Variants in IPCEF1 observed in about 807,000 individuals in gnomAD.
IPCEF1 encodes interaction protein for cytohesin exchange factors 1, also known as interactor protein for cytohesin exchange factors 1.
IPCEF1 carries 31 observed loss-of-function variants against 50.9 expected under a neutral mutation model. The observed-to-expected ratio is 0.61, with a 90% CI of 0.46 to 0.82. The LOEUF is 0.82. IPCEF1 is among the 40% of genes least tolerant of loss of function. The pLI, the probability that IPCEF1 is intolerant of heterozygous loss-of-function variation, is 0.00. For synonymous variants in IPCEF1, 181 were observed against 192.0 expected, an observed-to-expected ratio of 0.94 and a Z score of 0.47; for missense variants, 458 against 514.0, an observed-to-expected ratio of 0.89 and a Z score of 1.05.
At chr6:154,247,843 G>C (rs982873732) in intron 3 of IPCEF1, among the ~76,000 whole-genome samples, 1 of 152,140 alleles carries the variant, frequency 6.6e-6, no homozygotes. Flanking sequence ...GTGAGAGAAG[G>C]AAAAATATAT....
chr6:154,315,368 C>A (rs1437364769), intron 1 of IPCEF1, among the ~76,000 whole-genome samples: 1 of 152,112 alleles, frequency 6.6e-6, no homozygotes, highest in African/African-American at 2.4e-5. Flanking sequence ...AAACAGGGTC[C>A]GTGAAGGCAA....
chr6:154,325,884 A>G (rs1469897909), intron 1 of IPCEF1, among the ~76,000 whole-genome samples: 1 of 152,162 alleles, frequency 6.6e-6, no homozygotes, highest in Non-Finnish European at 1.5e-5. Flanking sequence ...AGAAGAAATG[A>G]GAAGAGGTTT....
At chr6:154,351,295 C>T (rs1283801795) in intron 1 of IPCEF1, among the ~76,000 whole-genome samples, 1 of 152,218 alleles carries the variant, frequency 6.6e-6, no homozygotes, top group Non-Finnish European at 1.5e-5. Flanking sequence ...GGTGACGGAA[C>T]AGTCACATAT....
chr6:154,225,295 G>A (rs901434637), intron 5 of IPCEF1, among the ~76,000 whole-genome samples: 1 of 152,128 alleles, frequency 6.6e-6, no homozygotes, highest in Non-Finnish European at 1.5e-5. Flanking sequence ...TACATGTGCA[G>A]CCCTGTTCAC....
At chr6:154,186,555 T>C (rs1276480411) in intron 10 of IPCEF1, among the ~76,000 whole-genome samples, 2 of 149,520 alleles carry the variant, frequency 1.3e-5, no homozygotes, top group Non-Finnish European at 3.0e-5. Context: ...CCTTTCTTTC[T>C]TTTTTTCTCT....
intron 1 of IPCEF1, among the ~76,000 whole-genome samples, chr6:154,300,736 G>A (rs115597166): frequency 6.6e-6 from 1 of 152,150 alleles, no homozygotes; most frequent in South Asian, 2.1e-4. Context: ...TTCCCCATGG[G>A]CTTTGAAGAA....
In IPCEF1 at chr6:154,259,455, C is replaced by T. The variant is rs532024428; in HGVS notation, c.36+6457G>A. 3.9e-5 allele frequency among the ~76,000 whole-genome samples: 6 copies of T among 152,100 alleles called. 1 individual carries two copies. The highest frequency in any genetic ancestry group is 1.4e-4 in the African/African-American group (6 of 41,480). On this transcript the variant is annotated intron_variant, in intron 3 of 11. Coordinates refer to ENST00000367220, the MANE Select transcript of IPCEF1 (RefSeq NM_001130700.2). ...ATTACCTGAGGTCAGGAGTTCAAGA[C>T]CAGCCTGACCAACATGGAGAAGCCC... is the stretch of plus-strand genomic sequence containing the variant.
chr6:154,284,948 C>A (rs1012645916), intron 2 of IPCEF1, among the ~76,000 whole-genome samples: 1 of 151,802 alleles, frequency 6.6e-6, no homozygotes, highest in Non-Finnish European at 1.5e-5. Flanking sequence ...TGCAGTGAGC[C>A]GAGATCACGC....
At chr6:154,236,769 G>A (rs1337927304) in intron 5 of IPCEF1, among the ~76,000 whole-genome samples, 2 of 152,078 alleles carry the variant, frequency 1.3e-5, no homozygotes, top group African/African-American at 4.8e-5. Flanking sequence ...GATGGTGGGT[G>A]GTTTGCCTAG....
rs943382500 is a variant in IPCEF1 at position 154,345,160 on chromosome 6, G to A, written c.-62+11512C>T. On this transcript the variant is annotated intron_variant, in intron 1 of 11. Transcript: ENST00000367220. Reference sequence around the variant, plus strand: ...GCTGGGATTACAGGCATGAGCCACCGTATCCAGTCGGTTCTTTTGTTTAAT... The same window carrying A: ...GCTGGGATTACAGGCATGAGCCACCATATCCAGTCGGTTCTTTTGTTTAAT... Among the ~76,000 whole-genome samples the A allele has an allele frequency of 1.5e-4, 23 of 152,334 alleles. 1 individual carries two copies. The highest frequency in any genetic ancestry group is 1.0e-3 in the Admixed American group (16 of 15,294).
At chr6:154,226,349 T>C (rs1779251190) in intron 5 of IPCEF1, among the ~76,000 whole-genome samples, 1 of 152,170 alleles carries the variant, frequency 6.6e-6, no homozygotes, top group African/African-American at 2.4e-5. Context: ...CCCGCAAGAG[T>C]AACAAATTCA....
chr6:154,295,177 G>C (rs192836686), intron 1 of IPCEF1, among the ~76,000 whole-genome samples: 3 of 151,796 alleles, frequency 2.0e-5, no homozygotes, highest in Non-Finnish European at 2.9e-5. Flanking sequence ...CAGCCTGGGC[G>C]ACAGAGTGAG....
chr6:154,321,886 G>A lies in IPCEF1; in HGVS notation c.-61-32130C>T, dbSNP rs75147169. 3.5e-3 allele frequency among the ~76,000 whole-genome samples: 513 copies of A among 148,690 alleles called. 1 individual carries two copies. The highest frequency in any genetic ancestry group is 0.012 in the African/African-American group (487 of 40,654). On this transcript the variant is annotated intron_variant, in intron 1 of 11. Transcript: ENST00000367220. ...CTTTTCATGAGGACAATGGAACCCC[G>A]ATACCAAAACCTAACCTGAACATTT... is the stretch of plus-strand genomic sequence containing the variant.
chr6:154,224,065 C>T (rs1348759605), intron 5 of IPCEF1, among the ~76,000 whole-genome samples: 1 of 151,788 alleles, frequency 6.6e-6, no homozygotes, highest in Non-Finnish European at 1.5e-5. Context: ...TTGTTCGTCA[C>T]CCATAGAACT....
Position 154,154,581 on chromosome 6 carries a change from C to A in IPCEF1, c.*5247G>T, listed in dbSNP as rs1798636697. 1 of 152,164 alleles carries A rather than the reference C, an allele frequency of 6.6e-6. No individual in the cohort carries two copies. Among genetic ancestry groups the A allele is most frequent in the Admixed American group, 6.5e-5 (1 of 15,276 alleles). The allele number at this position is 152,164 out of a possible 1,614,324, so 9.4% of individuals were successfully genotyped here. On this transcript the variant is annotated 3_prime_UTR_variant, in exon 12 of 12. Transcript: ENST00000367220. ...GACTGCCACCAGAGGGCACTGTAAC[C>A]TTGTTGTAGACGATCAAAACGCAGC...
intron 2 of IPCEF1, among the ~76,000 whole-genome samples, chr6:154,277,875 C>T (rs1036591820): frequency 2.0e-5 from 3 of 151,670 alleles, no homozygotes; most frequent in African/African-American, 4.8e-5. Context: ...TTTTTCCAGC[C>T]AGCTTCCTGT....
intron 10 of IPCEF1, among the ~76,000 whole-genome samples, chr6:154,194,787 T>C (rs1776451099): frequency 1.3e-5 from 2 of 149,444 alleles, no homozygotes; most frequent in Non-Finnish European, 3.0e-5. Flanking sequence ...TGACAACTCA[T>C]AGAGATCTTT....
At chr6:154,320,292 A>T (rs1268458618) in intron 1 of IPCEF1, among the ~76,000 whole-genome samples, 1 of 152,188 alleles carries the variant, frequency 6.6e-6, no homozygotes, top group East Asian at 1.9e-4. Flanking sequence ...TCCAATTTGT[A>T]TCTAATTCAA....
intron 3 of IPCEF1, among the ~76,000 whole-genome samples, chr6:154,250,626 T>C (rs1345428030): frequency 6.6e-6 from 1 of 152,240 alleles, no homozygotes; most frequent in Non-Finnish European, 1.5e-5. Flanking sequence ...ACTCCTTTGA[T>C]ATTGAATGTT....
Sources: allele counts gnomAD v4.1 joint callset (sites outside exome capture counted in the v4.1 genomes callset), GRCh38; gene constraint gnomAD v4.1.1; transcripts MANE v1.5; gene names NCBI Gene and HGNC (gene_info 2026-07-23, HGNC 2026-07-21).